The following ANKS1B variants were observed in gnomAD, a reference collection of about 807,000 sequenced individuals.
ANKS1B encodes the protein ankyrin repeat and sterile alpha motif domain-containing protein 1B.
Under a neutral mutation model 148.3 loss-of-function variants are expected in ANKS1B, and 36 were observed. The ratio of observed to expected loss-of-function variants is 0.24; its 90% CI spans 0.19 to 0.32. The LOEUF is 0.32. Among genes scored for constraint, ANKS1B ranks in the 10% least tolerant of loss-of-function variants. The probability of loss-of-function intolerance (pLI) is 1.00; values close to 1 mark genes in which losing one functional copy is unlikely to be tolerated. For synonymous variants in ANKS1B, 542 were observed against 560.8 expected, an observed-to-expected ratio of 0.97 and a Z score of 0.47; for missense variants, 1,157 against 1,542.6, an observed-to-expected ratio of 0.75 and a Z score of 4.19.
chr12:99,590,478 A>G (rs755131114), intron 9 of ANKS1B, among the ~76,000 whole-genome samples: 30 of 152,282 alleles, frequency 2.0e-4, no homozygotes, highest in African/African-American at 6.5e-4. Flanking sequence ...CCTATTTCTC[A>G]TGTCTGTCCC....
chr12:98,904,361 GT>G, intron 17 of ANKS1B, among the ~76,000 whole-genome samples: 1 of 152,162 alleles, frequency 6.6e-6, no homozygotes, highest in African/African-American at 2.4e-5. Context: ...AGGTTCTGCT[GT>G]TTATCCCAAG....
At chr12:99,102,148 A>G (rs1197461857) in intron 15 of ANKS1B, among the ~76,000 whole-genome samples, 2 of 152,212 alleles carry the variant, frequency 1.3e-5, no homozygotes, top group South Asian at 2.1e-4. Context: ...TTTCATGAAT[A>G]AGGATATGAA....
chr12:99,238,844 T>C (rs184568107), intron 14 of ANKS1B, among the ~76,000 whole-genome samples: 4 of 152,108 alleles, frequency 2.6e-5, no homozygotes, highest in African/African-American at 9.6e-5. Context: ...GAAGGAAAAC[T>C]AATAAACAGA....
intron 12 of ANKS1B, among the ~76,000 whole-genome samples, chr12:99,289,481 G>C (rs935226766): frequency 2.6e-5 from 4 of 152,046 alleles, no homozygotes; most frequent in African/African-American, 9.7e-5. Flanking sequence ...CTTCTCCTCA[G>C]CACGTGGATC....
intron 17 of ANKS1B, among the ~76,000 whole-genome samples, chr12:98,915,429 G>C (rs1272570032): frequency 6.6e-6 from 1 of 152,088 alleles, no homozygotes; most frequent in Non-Finnish European, 1.5e-5. Flanking sequence ...TCAGCTTACT[G>C]CAACCTCCGC....
chr12:99,005,631 A>T (rs2099935724), intron 17 of ANKS1B, among the ~76,000 whole-genome samples: 1 of 152,334 alleles, frequency 6.6e-6, no homozygotes, highest in South Asian at 2.1e-4. Context: ...TGTAACCTGC[A>T]TGCGCTTTCA....
intron 11 of ANKS1B, among the ~76,000 whole-genome samples, chr12:99,425,892 C>A (rs1345147246): frequency 1.3e-5 from 2 of 148,638 alleles, no homozygotes; most frequent in African/African-American, 4.9e-5. Context: ...TTTTTTGATG[C>A]AAGGCAACTT....
At chr12:99,741,355 G>C (rs572527700) in intron 8 of ANKS1B, among the ~76,000 whole-genome samples, 1 of 152,176 alleles carries the variant, frequency 6.6e-6, no homozygotes, top group East Asian at 1.9e-4. Context: ...CAAGGATCTA[G>C]AACTAGAAAT....
chr12:99,590,072 G>A (rs893619313), intron 9 of ANKS1B, among the ~76,000 whole-genome samples: 1 of 151,628 alleles, frequency 6.6e-6, no homozygotes, highest in Admixed American at 6.6e-5. Flanking sequence ...CAGTTACATA[G>A]GAATATACTA....
chr12:99,699,328 AAC>A (rs2054439253), intron 8 of ANKS1B, among the ~76,000 whole-genome samples: 1 of 152,224 alleles, frequency 6.6e-6, no homozygotes, highest in Non-Finnish European at 1.5e-5. Context: ...CCATTCAAAT[AAC>A]AGTGATTCTT....
chr12:99,864,106 A>AT (rs2090425844), intron 1 of ANKS1B, among the ~76,000 whole-genome samples: 1 of 144,138 alleles, frequency 6.9e-6, no homozygotes, highest in Non-Finnish European at 1.5e-5. Context: ...AAAAAAGTAG[A>AT]ACCCCTCTTT....
In ANKS1B at chr12:99,185,563, C is replaced by T. The variant is rs7968171; in HGVS notation, c.2420-31168G>A. Among the ~76,000 whole-genome samples the T allele has an allele frequency of 1.9e-3, 293 of 152,110 alleles. 2 individuals carry two copies. Among genetic ancestry groups the T allele is most frequent in the African/African-American group, 6.4e-3 (266 of 41,502 alleles). On this transcript the variant is annotated intron_variant, in intron 14 of 26. Transcript: ENST00000683438. ...AGGTACCCGGTTTGTCTCATTGGGA[C>T]GGTTAGACAGTGGGTGCAGCCCATG...
intron 12 of ANKS1B, among the ~76,000 whole-genome samples, chr12:99,364,538 TTACTTAATGCTG>T (rs1346716013): frequency 6.6e-6 from 1 of 152,188 alleles, no homozygotes; most frequent in African/African-American, 2.4e-5. Context: ...CTAATATCAT[TTACTTAATGCTG>T]TACATAATTA....
At chr12:99,136,480 C>A (rs766463731) in intron 15 of ANKS1B, among the ~76,000 whole-genome samples, 14 of 152,190 alleles carry the variant, frequency 9.2e-5, no homozygotes, top group Non-Finnish European at 1.5e-4. Flanking sequence ...AACACACACA[C>A]AAAAAAATTA....
intron 9 of ANKS1B, among the ~76,000 whole-genome samples, chr12:99,529,576 C>T (rs2096966305): frequency 6.6e-6 from 1 of 152,132 alleles, no homozygotes; most frequent in African/African-American, 2.4e-5. Flanking sequence ...TCACTTGAAC[C>T]TGGGAGGCAG....
chr12:99,945,069 C>G (rs76867384), intron 1 of ANKS1B, among the ~76,000 whole-genome samples: 7,266 of 152,162 alleles, frequency 0.048, 201 homozygotes, highest in Middle Eastern at 0.13. Context: ...CAGAGGAGGC[C>G]CCTACCCTAA....
intron 12 of ANKS1B, among the ~76,000 whole-genome samples, chr12:99,347,469 G>A (rs952147342): frequency 1.3e-5 from 2 of 151,980 alleles, no homozygotes; most frequent in African/African-American, 4.8e-5. Context: ...TGAAGTTGAA[G>A]GCAGAGTTGT....
At chr12:98,941,526 C>T (rs2099836645) in intron 17 of ANKS1B, among the ~76,000 whole-genome samples, 1 of 152,064 alleles carries the variant, frequency 6.6e-6, no homozygotes, top group African/African-American at 2.4e-5. Flanking sequence ...ATGTGCATGC[C>T]CACAAATAAC....
At chr12:99,759,016 C>T (rs1567793032) in intron 8 of ANKS1B, among the ~76,000 whole-genome samples, 2 of 151,906 alleles carry the variant, frequency 1.3e-5, no homozygotes, top group Non-Finnish European at 2.9e-5. Flanking sequence ...GCAATTTTCA[C>T]TTTAATGATC....
Sources: allele counts gnomAD v4.1 joint callset (sites outside exome capture counted in the v4.1 genomes callset), GRCh38; gene constraint gnomAD v4.1.1; transcripts MANE v1.5; gene names NCBI Gene and HGNC (gene_info 2026-07-23, HGNC 2026-07-21).